Variants in P4HTM observed in about 807,000 individuals in gnomAD.
P4HTM encodes transmembrane prolyl 4-hydroxylase.
In P4HTM, 33 loss-of-function variants were observed where a neutral mutation model predicts 55.3. The ratio of observed to expected loss-of-function variants is 0.60; its 90% CI spans 0.45 to 0.80. The LOEUF (loss-of-function observed/expected upper bound fraction) is 0.80, where lower values mean the gene tolerates loss of function less well. Ranked by LOEUF, P4HTM falls within the 30% of genes least tolerant of loss-of-function variation. The pLI is 0.00. For synonymous variants in P4HTM, 272 were observed against 286.4 expected, an observed-to-expected ratio of 0.95 and a Z score of 0.51; for missense variants, 542 against 696.5, an observed-to-expected ratio of 0.78 and a Z score of 2.50.
Position 49,006,243 on chromosome 3 carries a change from C to T in P4HTM, c.1288+56C>T, listed in dbSNP as rs1354269492. 28 of 1,566,858 alleles carry T rather than the reference C, an allele frequency of 1.8e-5. No individual in the cohort carries two copies. The Middle Eastern group carries it at 7.1e-4, about 40-fold the overall frequency. On this transcript the variant is annotated intron_variant, in intron 8 of 8. Coordinates refer to ENST00000383729, the MANE Select transcript of P4HTM (RefSeq NM_177939.3). ...TGCCCTGAGTACAGCTTCCCTTTAC[C>T]CAGCCCCCGTCTGCCACAATGGAGG...
chr3:49,005,338 T>C, intron 6 of P4HTM: 1 of 1,425,742 alleles, frequency 7.0e-7, no homozygotes, highest in Non-Finnish European at 9.1e-7. Context: ...CCCTAGCTTG[T>C]CCTGCCCATT....
Position 49,002,892 on chromosome 3 carries a change from G to A in P4HTM, c.724+296G>A, listed in dbSNP as rs2092965820. On this transcript the variant is annotated intron_variant, in intron 4 of 8. Transcript: ENST00000383729. This position sits in a 1 kb window ranked among gnomAD's most constrained non-coding sequence, Gnocchi z 4.4. ...GGACAGGAAGTAGGGCTGCTAGTTGGCAGAGAACAGAGTGGGTGGAGCAGG... is the reference window on the plus strand; with the variant it reads ...GGACAGGAAGTAGGGCTGCTAGTTGACAGAGAACAGAGTGGGTGGAGCAGG... 2 of 461,608 alleles carry A rather than the reference G, an allele frequency of 4.3e-6. No individual in the cohort carries two copies. The highest frequency in any genetic ancestry group is 8.1e-6 in the Non-Finnish European group (2 of 247,240). 28.6% of individuals were successfully genotyped at this position (461,608 alleles called of 1,614,324 possible). A position where few individuals can be genotyped will look rare whatever the true frequency, so the allele number is the denominator to read the frequency against.
Position 49,002,442 on chromosome 3 carries a change from T to C in P4HTM, c.628-58T>C, listed in dbSNP as rs1037053876. 6 of 1,250,950 alleles carry C rather than the reference T, an allele frequency of 4.8e-6. No individual in the cohort carries two copies. In the African/African-American group the frequency reaches 7.3e-5, roughly 15 times the overall value. 77.5% of individuals were successfully genotyped at this position (1,250,950 alleles called of 1,614,324 possible). On this transcript the variant is annotated intron_variant, in intron 3 of 8. Transcript: ENST00000383729. The surrounding 1 kb of genome is among the most constrained non-coding windows in gnomAD (Gnocchi z 4.4). Reference sequence around the variant, plus strand: ...TCCACAACAAGCACTGGGCCATCTGTTCTCTGCTGGCTCTCCATCACTGGG... The same window carrying C: ...TCCACAACAAGCACTGGGCCATCTGCTCTCTGCTGGCTCTCCATCACTGGG...
Position 49,006,157 on chromosome 3 carries a change from T to C in P4HTM, c.1258T>C (p.Phe420Leu). The change falls in exon 8 of 9, where the codon TTC (phenylalanine) becomes CTC (leucine). Residue 420 changes from phenylalanine to leucine, a missense_variant. Transcript: ENST00000383729. ...RVKPQQGTAVFWYNYLPDGQG... is the reference protein window; with the variant it reads ...RVKPQQGTAVLWYNYLPDGQG... ...CAAGCCCCAACAGGGCACAGCAGTC[T>C]TCTGGTACAACTACCTGCCTGATGG... 6.2e-7 allele frequency: 1 copy of C among 1,612,608 alleles called. No individual in the cohort carries two copies. Among genetic ancestry groups the C allele is most frequent in the South Asian group, 1.1e-5 (1 of 91,066 alleles).
chr3:49,007,119 GCCGGGCCCGACAAACT>G lies in P4HTM; in HGVS notation c.*218_*233del. On this transcript the variant is annotated 3_prime_UTR_variant, in exon 9 of 9. Coordinates refer to ENST00000383729, the MANE Select transcript of P4HTM (RefSeq NM_177939.3). The surrounding 1 kb of genome is among the most constrained non-coding windows in gnomAD (Gnocchi z 5.1). Reference sequence around the variant, plus strand: ...AATAAAAAACCACAAGGTTCGAGCCGCCGGGCCCGACAAACTCCGGGTCGGCGAAACAGAGTCCGCG... The same window carrying G: ...AATAAAAAACCACAAGGTTCGAGCCGCCGGGTCGGCGAAACAGAGTCCGCG... The G allele has an allele frequency of 1.4e-6, 1 of 690,892 alleles. No individual in the cohort carries two copies. 42.8% of individuals were successfully genotyped at this position (690,892 alleles called of 1,614,324 possible).
intron 2 of P4HTM, 50 bp from the exon 3 acceptor site, chr3:49,001,388 A>C (rs1195689015): frequency 1.3e-6 from 2 of 1,575,334 alleles, no homozygotes; most frequent in Non-Finnish European, 8.7e-7. Flanking sequence ...TACTGGGTGC[A>C]CCAGCGCCCT....
Position 49,005,804 on chromosome 3 carries a change from C to T in P4HTM, c.1101C>T (p.Asn367=). 1 of 1,596,794 alleles carries T rather than the reference C, an allele frequency of 6.3e-7. No individual in the cohort carries two copies. The highest frequency in any genetic ancestry group is 8.5e-7 in the Non-Finnish European group (1 of 1,172,286). Reference sequence around the variant, plus strand: ...ACATGACAGTGCTGTTTTATTTGAACAACGTCACTGGTGGGGGCGAGACTG... The same window carrying T: ...ACATGACAGTGCTGTTTTATTTGAATAACGTCACTGGTGGGGGCGAGACTG... ...CRYMTVLFYL[N]NVTGGGETVF... is the part of the protein sequence containing the mutation. The change falls in exon 7 of 9, where the codon AAC becomes AAT. Residue 367 remains asparagine, a synonymous_variant. Transcript: ENST00000383729.
intron 2 of P4HTM, among the ~76,000 whole-genome samples, chr3:48,995,876 G>A (rs763840764): frequency 1.3e-5 from 2 of 152,098 alleles, no homozygotes; most frequent in African/African-American, 2.4e-5. Context: ...ATAAGCCTCC[G>A]TGCCCAGCCT....
At chr3:48,990,112 G>A, upstream of P4HTM, 2 of 739,064 alleles carry the variant, frequency 2.7e-6, no homozygotes, top group Non-Finnish European at 3.4e-6. The surrounding 1 kb of genome is among the most constrained non-coding windows in gnomAD (Gnocchi z 7.2). Context: ...CGCGGACGCA[G>A]GCGGCTCCGG....
intron 2 of P4HTM, chr3:48,996,378 A>G (rs368794717): frequency 1.3e-5 from 2 of 152,288 alleles, no homozygotes; most frequent in Non-Finnish European, 2.9e-5. Context: ...GGTTCAAGCA[A>G]TTCTCCTGCC....
At chr3:48,991,956 T>C (rs888907709) in intron 2 of P4HTM, 3 of 152,256 alleles carry the variant, frequency 2.0e-5, no homozygotes, top group African/African-American at 7.2e-5. Context: ...CAGAGGGTCC[T>C]GGTTGGGGAT....
chr3:48,998,807 C>T (rs953243773), intron 2 of P4HTM, among the ~76,000 whole-genome samples: 1 of 152,172 alleles, frequency 6.6e-6, no homozygotes, highest in African/African-American at 2.4e-5. Context: ...TTGGGAGAAA[C>T]CATTGTTCAC....
At chr3:49,005,686 A>G in intron 6 of P4HTM, 91 bp from the exon 7 acceptor site, 1 of 1,496,944 alleles carries the variant, frequency 6.7e-7, no homozygotes, top group Non-Finnish European at 8.9e-7. Flanking sequence ...GTCCCTGGCA[A>G]CAGGAACCTG....
At position 49,002,631 on chromosome 3, in the gene P4HTM, G is replaced by T. The variant is rs909684183; in HGVS notation, c.724+35G>T. 4.0e-6 allele frequency: 6 copies of T among 1,515,486 alleles called. No individual in the cohort carries two copies. The highest frequency in any genetic ancestry group is 5.5e-6 in the Non-Finnish European group (6 of 1,090,186). 93.9% of individuals were successfully genotyped at this position (1,515,486 alleles called of 1,614,324 possible). A position where few individuals can be genotyped will look rare whatever the true frequency, so the allele number is the denominator to read the frequency against. On this transcript the variant is annotated intron_variant, in intron 4 of 8. Transcript: ENST00000383729. This position sits in a 1 kb window ranked among gnomAD's most constrained non-coding sequence, Gnocchi z 4.4. ...CACCTCTGCACAGTCCTATCCCCGT[G>T]AGCCTCCTGCCCACTCCCAGGTGCA...
chr3:49,003,426 G>C (rs958950912), intron 4 of P4HTM: 1 of 156,860 alleles, frequency 6.4e-6, no homozygotes, highest in African/African-American at 2.4e-5. Context: ...GATGTCCTTG[G>C]GTCAGCCAGA....
chr3:49,003,145 G>A (rs1041381062), intron 4 of P4HTM: 2 of 241,760 alleles, frequency 8.3e-6, no homozygotes, highest in African/African-American at 2.2e-5. Flanking sequence ...CATGCAAGTG[G>A]TGCCCCCTCT....
At position 49,004,880 on chromosome 3, in the gene P4HTM, C is replaced by T. The variant is rs747478957; in HGVS notation, c.907C>T (p.Leu303=). Residue 303 remains leucine (L), a synonymous_variant, in exon 6 of 9, where the codon CTG becomes TTG. Coordinates refer to ENST00000383729, the MANE Select transcript of P4HTM (RefSeq NM_177939.3). ...IRQRVLRLTR[L]SPEIVELSEP... is the part of the protein sequence containing the mutation. ...CACCAGGGTGCTGCGCCTCACTCGCCTGTCGCCTGAGATCGTGGAGCTCAG... is the reference window on the plus strand; with the variant it reads ...CACCAGGGTGCTGCGCCTCACTCGCTTGTCGCCTGAGATCGTGGAGCTCAG... The T allele has an allele frequency of 6.2e-7, 1 of 1,610,558 alleles. No individual in the cohort carries two copies. Among genetic ancestry groups the T allele is most frequent in the Non-Finnish European group, 8.5e-7 (1 of 1,179,544 alleles).
At chr3:49,000,289 G>A (rs1400336964) in intron 2 of P4HTM, among the ~76,000 whole-genome samples, 1 of 152,126 alleles carries the variant, frequency 6.6e-6, no homozygotes, top group Non-Finnish European at 1.5e-5. Flanking sequence ...GGTGGCATAT[G>A]CTTATAATCC....
chr3:48,999,773 A>G lies in P4HTM; in HGVS notation c.437-1665A>G, dbSNP rs1372349771. On this transcript the variant is annotated intron_variant, in intron 2 of 8. Coordinates refer to ENST00000383729, the MANE Select transcript of P4HTM (RefSeq NM_177939.3). This position sits in a 1 kb window ranked among gnomAD's most constrained non-coding sequence, Gnocchi z 4.8. ...CAGATTACTGGCACCTAATAAACTG[A>G]AGAAACCTGGGCCTGTGTTTTCTTT... is the stretch of plus-strand genomic sequence containing the variant. The G allele has an allele frequency of 6.6e-6, 1 of 152,636 alleles. No individual in the cohort carries two copies. Among genetic ancestry groups the G allele is most frequent in the Non-Finnish European group, 1.5e-5 (1 of 68,088 alleles). The allele number at this position is 152,636 out of a possible 1,614,324, so 9.5% of individuals were successfully genotyped here.
Sources: gnomAD v4.1 joint callset for allele counts (sites outside exome capture counted in the v4.1 genomes callset) on GRCh38, gnomAD v4.1.1 for gene constraint, Gnocchi (gnomAD v3.1) non-coding constraint, MANE v1.5 for transcripts, NCBI Gene and HGNC (gene_info 2026-07-23, HGNC 2026-07-21) for gene names.